The following CWC27 variants were observed in gnomAD, a reference collection of about 807,000 sequenced individuals.
The protein encoded by CWC27 is CWC27 spliceosome associated cyclophilin, also known as spliceosome-associated protein CWC27 homolog.
CWC27 carries 47 observed loss-of-function variants against 63.6 expected under a neutral mutation model. The ratio of observed to expected loss-of-function variants is 0.74; its 90% CI spans 0.58 to 0.94. The LOEUF is 0.94. CWC27 is among the 40% of genes least tolerant of loss of function. The probability of loss-of-function intolerance (pLI) is 0.00; values close to 1 mark genes in which losing one functional copy is unlikely to be tolerated. For missense variants in CWC27, 495 were observed against 554.3 expected, an observed-to-expected ratio of 0.89 and a Z score of 1.07; for synonymous variants, 175 against 179.8, an observed-to-expected ratio of 0.97 and a Z score of 0.22.
intron 10 of CWC27, among the ~76,000 whole-genome samples, chr5:64,843,157 AG>A (rs1354221377): frequency 6.6e-6 from 1 of 152,250 alleles, no homozygotes; most frequent in Non-Finnish European, 1.5e-5. Flanking sequence ...CTCAGTACAA[AG>A]GAAGATAGTA....
chr5:64,913,305 A>G (rs1747827245), intron 11 of CWC27, among the ~76,000 whole-genome samples: 2 of 152,238 alleles, frequency 1.3e-5, no homozygotes, highest in South Asian at 2.1e-4. Context: ...GGTAGGAACT[A>G]TCAAATAACA....
intron 11 of CWC27, among the ~76,000 whole-genome samples, chr5:64,957,797 A>G (rs545984714): frequency 2.0e-5 from 3 of 152,262 alleles, no homozygotes; most frequent in Non-Finnish European, 4.4e-5. Context: ...GAGCAGTATA[A>G]GAAAAATTAT....
At chr5:64,819,254 G>T (rs549347653) in intron 10 of CWC27, among the ~76,000 whole-genome samples, 2 of 152,048 alleles carry the variant, frequency 1.3e-5, no homozygotes, top group Admixed American at 6.6e-5. Context: ...GGACAAAAGG[G>T]ACATCATACT....
At chr5:64,980,912 C>T (rs1252852371) in intron 13 of CWC27, among the ~76,000 whole-genome samples, 2 of 152,032 alleles carry the variant, frequency 1.3e-5, no homozygotes, top group Admixed American at 6.6e-5. Flanking sequence ...GCCAACATGG[C>T]GAAACCCCAT....
chr5:64,826,445 A>G (rs571840883), intron 10 of CWC27, among the ~76,000 whole-genome samples: 15 of 152,164 alleles, frequency 9.9e-5, no homozygotes, highest in Non-Finnish European at 1.6e-4. Flanking sequence ...TTCCATGTAC[A>G]CTTGAAAAGA....
intron 1 of CWC27, 32 bp from the exon 2 acceptor site, chr5:64,774,659 T>A (rs1743378033): frequency 1.5e-6 from 2 of 1,303,678 alleles, no homozygotes; most frequent in Admixed American, 2.3e-5. Flanking sequence ...AGCAAAATAA[T>A]AATTTAATAA....
intron 11 of CWC27, among the ~76,000 whole-genome samples, chr5:64,961,397 C>T (rs1282909387): frequency 6.6e-6 from 1 of 151,842 alleles, no homozygotes; most frequent in Non-Finnish European, 1.5e-5. Context: ...CCTTCCCAAG[C>T]CCTTTCATAT....
At chr5:65,004,573 T>C (rs78679415) in intron 13 of CWC27, among the ~76,000 whole-genome samples, 1 of 74,730 alleles carries the variant, frequency 1.3e-5, no homozygotes, top group African/African-American at 7.5e-5. Flanking sequence ...TCTCGTTGAA[T>C]TTTTCATTCA....
chr5:64,989,725 G>A (rs566044728), intron 13 of CWC27, among the ~76,000 whole-genome samples: 1 of 152,292 alleles, frequency 6.6e-6, no homozygotes, highest in South Asian at 2.1e-4. Flanking sequence ...TGGAGACTCA[G>A]GATGGCAGAG....
At chr5:64,959,214 A>C (rs1748858573) in intron 11 of CWC27, among the ~76,000 whole-genome samples, 1 of 152,088 alleles carries the variant, frequency 6.6e-6, no homozygotes, top group African/African-American at 2.4e-5. Context: ...TCCATTGGAC[A>C]AGTTTTCTTC....
At chr5:64,885,737 G>GTGTGTGTGTGTGTGTGTT (rs778534933) in intron 11 of CWC27, among the ~76,000 whole-genome samples, 191 bp downstream of exon 11, 11 of 141,638 alleles carry the variant, frequency 7.8e-5, no homozygotes, top group South Asian at 6.4e-4. Flanking sequence ...GTGTGTGTGT[G>GTGTGTGTGTGTGTGTGTT]TTTTTAATAC....
chr5:64,996,434 C>A (rs1749633628), intron 13 of CWC27, among the ~76,000 whole-genome samples: 1 of 151,974 alleles, frequency 6.6e-6, no homozygotes. Flanking sequence ...ATAAGTAAAA[C>A]GTTGAGCTGA....
At chr5:64,958,093 G>T (rs1012183877) in intron 11 of CWC27, among the ~76,000 whole-genome samples, 3 of 148,178 alleles carry the variant, frequency 2.0e-5, no homozygotes, top group African/African-American at 5.0e-5. Context: ...TTTAAAACAG[G>T]TTTTTTTTTT....
chr5:64,855,515 G>A (rs1024103468), intron 10 of CWC27, among the ~76,000 whole-genome samples: 2 of 152,072 alleles, frequency 1.3e-5, no homozygotes, highest in Non-Finnish European at 2.9e-5. Flanking sequence ...AATGTGTAAG[G>A]TATAGTTGTC....
intron 11 of CWC27, among the ~76,000 whole-genome samples, chr5:64,950,948 T>A (rs1390925173): frequency 6.6e-6 from 1 of 152,054 alleles, no homozygotes; most frequent in Non-Finnish European, 1.5e-5. Context: ...GTATCAGGTT[T>A]TTTTCCTTAT....
chr5:64,770,902 A>G (rs534104175), intron 1 of CWC27, among the ~76,000 whole-genome samples: 2 of 152,362 alleles, frequency 1.3e-5, no homozygotes, highest in South Asian at 4.1e-4. Context: ...ATTCCTGAAT[A>G]GATTATTCAT....
At chr5:64,844,761 C>A (rs1361101700) in intron 10 of CWC27, among the ~76,000 whole-genome samples, 1 of 152,186 alleles carries the variant, frequency 6.6e-6, no homozygotes, top group Non-Finnish European at 1.5e-5. Flanking sequence ...TCCACTTTCA[C>A]GCATCTTAGA....
At chr5:64,787,157 A>G (rs1329704363) in intron 6 of CWC27, among the ~76,000 whole-genome samples, 1 of 152,064 alleles carries the variant, frequency 6.6e-6, no homozygotes, top group Non-Finnish European at 1.5e-5. Flanking sequence ...CATAAAACAC[A>G]TGGGGATTGT....
chr5:64,808,019 G>A, intron 10 of CWC27: 1 of 1,366,824 alleles, frequency 7.3e-7, no homozygotes, highest in Non-Finnish European at 9.4e-7. Flanking sequence ...TTTTTTCTTG[G>A]TCTTCCTGCT....
Sources: gnomAD v4.1 joint callset for allele counts (sites outside exome capture counted in the v4.1 genomes callset) on GRCh38, gnomAD v4.1.1 for gene constraint, MANE v1.5 for transcripts, NCBI Gene and HGNC (gene_info 2026-07-23, HGNC 2026-07-21) for gene names.